The following CNTNAP2 variants were observed in gnomAD, a reference collection of about 807,000 sequenced individuals.
CNTNAP2 encodes contactin-associated protein-like 2.
A neutral mutation model predicts 155.2 loss-of-function variants in CNTNAP2; 98 were observed. That is an observed-to-expected ratio of 0.63 (90% CI 0.54 to 0.75). CNTNAP2 has a LOEUF of 0.75. Ranked by LOEUF, CNTNAP2 falls within the 30% of genes least tolerant of loss-of-function variation. The probability of loss-of-function intolerance (pLI) is 0.00; values close to 1 mark genes in which losing one functional copy is unlikely to be tolerated. For synonymous variants in CNTNAP2, 651 were observed against 631.2 expected (o/e 1.03, Z -0.47); for missense variants, 1,727 against 1,688.1 (o/e 1.02, Z -0.40).
At chr7:146,221,478 T>C (rs1799208263) in intron 1 of CNTNAP2, among the ~76,000 whole-genome samples, 1 of 152,192 alleles carries the variant, frequency 6.6e-6, no homozygotes, top group Non-Finnish European at 1.5e-5. Context: ...CAGATCCTTG[T>C]CTTAAACCAA....
intron 10 of CNTNAP2, among the ~76,000 whole-genome samples, chr7:147,418,870 C>G (rs1797242553): frequency 6.6e-6 from 1 of 152,148 alleles, no homozygotes; most frequent in Non-Finnish European, 1.5e-5. Flanking sequence ...TGTCTTCAAG[C>G]CTCGAAGCAC....
In CNTNAP2 at chr7:146,391,078, AT is replaced by A. The variant is rs761981539; in HGVS notation, c.97+274107del. On this transcript the variant is annotated intron_variant, in intron 1 of 23. Transcript: ENST00000361727. ...GAGACTCTGTCTAAAAAATATATAT[AT>A]TATTATATATCGTAAATATATATTA... 8.8e-5 allele frequency among the ~76,000 whole-genome samples: 13 copies of A among 147,646 alleles called. No homozygotes were observed. The East Asian group carries it at 2.3e-3, about 27-fold the overall frequency.
intron 1 of CNTNAP2, among the ~76,000 whole-genome samples, chr7:146,721,703 TATACATTCTATATATATTCTAA>T (rs1293269390): frequency 0.011 from 1,291 of 119,686 alleles, 53 homozygotes; most frequent in African/African-American, 0.036. Flanking sequence ...ATATATTCTA[TATACATTCTATATATATTCTAA>T]ATACATTATA....
chr7:148,247,828 A>G (rs948532168), intron 20 of CNTNAP2, among the ~76,000 whole-genome samples: 2 of 151,258 alleles, frequency 1.3e-5, no homozygotes, highest in African/African-American at 4.9e-5. Flanking sequence ...TAATTTTTGT[A>G]TTTTTAGTAG....
chr7:146,828,690 TA>T (rs1215538417), intron 2 of CNTNAP2, among the ~76,000 whole-genome samples: 1 of 152,042 alleles, frequency 6.6e-6, no homozygotes, highest in African/African-American at 2.4e-5. Flanking sequence ...TTCAGGACAT[TA>T]AAAAAATAAG....
At chr7:147,038,446 A>G (rs1032301375) in intron 3 of CNTNAP2, among the ~76,000 whole-genome samples, 11 of 152,216 alleles carry the variant, frequency 7.2e-5, no homozygotes, top group Non-Finnish European at 2.9e-5. Context: ...GAAACAGATC[A>G]AATAATCCAA....
intron 18 of CNTNAP2, among the ~76,000 whole-genome samples, chr7:148,203,302 T>G (rs1465914929): frequency 6.6e-6 from 1 of 152,068 alleles, no homozygotes; most frequent in African/African-American, 2.4e-5. Context: ...GTGCTAGGAG[T>G]TGGGTTGTAC....
intron 1 of CNTNAP2, among the ~76,000 whole-genome samples, chr7:146,685,251 T>A (rs1160816580): frequency 6.6e-6 from 1 of 152,164 alleles, no homozygotes; most frequent in Non-Finnish European, 1.5e-5. Context: ...GATAGCATGG[T>A]ATTGTGCCGC....
intron 22 of CNTNAP2, among the ~76,000 whole-genome samples, chr7:148,404,261 G>A (rs1799650502): frequency 6.6e-6 from 1 of 152,248 alleles, no homozygotes. Flanking sequence ...TGAAGAGGAT[G>A]ACTGTCATGT....
chr7:146,741,011 G>T (rs1005952562), intron 1 of CNTNAP2, among the ~76,000 whole-genome samples: 4 of 152,114 alleles, frequency 2.6e-5, no homozygotes, highest in African/African-American at 9.7e-5. Flanking sequence ...TGAGGGGTCT[G>T]CTGGTGCAGA....
chr7:148,251,291 G>C (rs926035566), intron 20 of CNTNAP2, among the ~76,000 whole-genome samples: 1 of 152,146 alleles, frequency 6.6e-6, no homozygotes, highest in Non-Finnish European at 1.5e-5. Context: ...TTATGATCAA[G>C]TTTTACTATA....
chr7:146,263,350 T>C (rs1471985158), intron 1 of CNTNAP2, among the ~76,000 whole-genome samples: 3 of 149,808 alleles, frequency 2.0e-5, no homozygotes, highest in Non-Finnish European at 2.9e-5. Context: ...CTTCGCTCTC[T>C]TCTGACTTGT....
At chr7:147,535,720 C>G (rs569863861) in intron 11 of CNTNAP2, among the ~76,000 whole-genome samples, 2 of 152,238 alleles carry the variant, frequency 1.3e-5, no homozygotes, top group East Asian at 1.9e-4. Context: ...GGCCAAGCTT[C>G]CATCTGTGAG....
chr7:147,676,043 A>G (rs1001561374), intron 13 of CNTNAP2, among the ~76,000 whole-genome samples: 15 of 152,096 alleles, frequency 9.9e-5, no homozygotes, highest in Admixed American at 7.9e-4. Context: ...GGCCATTGTT[A>G]ATTTATTGAT....
intron 21 of CNTNAP2, among the ~76,000 whole-genome samples, chr7:148,295,033 A>C (rs9640523): frequency 0.63 from 95,119 of 151,982 alleles, 30,825 homozygotes; most frequent in South Asian, 0.84. Flanking sequence ...AGAAATCACA[A>C]TTTTTGCAAA....
At chr7:147,009,544 CA>C (rs1262111098) in intron 3 of CNTNAP2, among the ~76,000 whole-genome samples, 1 of 152,092 alleles carries the variant, frequency 6.6e-6, no homozygotes, top group Non-Finnish European at 1.5e-5. Context: ...CATTAGTAGC[CA>C]GTGGACTTTT....
At chr7:147,062,862 A>G (rs1799709399) in intron 4 of CNTNAP2, among the ~76,000 whole-genome samples, 1 of 152,236 alleles carries the variant, frequency 6.6e-6, no homozygotes, top group Non-Finnish European at 1.5e-5. Flanking sequence ...AAATAAGCAT[A>G]AAAATGAGGT....
At chr7:147,789,870 C>T (rs1465799072) in intron 13 of CNTNAP2, among the ~76,000 whole-genome samples, 3 of 152,122 alleles carry the variant, frequency 2.0e-5, no homozygotes, top group Non-Finnish European at 4.4e-5. Flanking sequence ...GCTCTCGGGC[C>T]TTTAGCCACA....
intron 1 of CNTNAP2, among the ~76,000 whole-genome samples, chr7:146,138,929 A>G (rs540849921): frequency 5.5e-4 from 83 of 152,250 alleles, no homozygotes; most frequent in African/African-American, 1.9e-3. Flanking sequence ...CCAGTTTGCA[A>G]TTGGGTCCCT....
Sources: gnomAD v4.1 joint callset for allele counts (sites outside exome capture counted in the v4.1 genomes callset) on GRCh38, gnomAD v4.1.1 for gene constraint, MANE v1.5 for transcripts, NCBI Gene and HGNC (gene_info 2026-07-23, HGNC 2026-07-21) for gene names.